CENPP: variants seen among roughly 807,000 people sequenced by gnomAD.
CENPP encodes the protein centromere protein P.
A neutral mutation model predicts 35.6 loss-of-function variants in CENPP; 24 were observed. That is an observed-to-expected ratio of 0.67 (90% CI 0.49 to 0.95). CENPP has a LOEUF of 0.95. Ranked by LOEUF, CENPP falls within the 40% of genes least tolerant of loss-of-function variation. The pLI is 0.00. For missense variants in CENPP, 332 were observed against 345.3 expected (o/e 0.96, Z 0.31); for synonymous variants, 120 against 125.5 (o/e 0.96, Z 0.29).
At chr9:92,386,020 A>G (rs527363635) in intron 5 of CENPP, among the ~76,000 whole-genome samples, 1 of 152,306 alleles carries the variant, frequency 6.6e-6, no homozygotes, top group African/African-American at 2.4e-5. Flanking sequence ...TGGAATCTGG[A>G]CTTCTGGGAA....
At chr9:92,362,542 A>G (rs1841782913) in intron 4 of CENPP, among the ~76,000 whole-genome samples, 2 of 152,184 alleles carry the variant, frequency 1.3e-5, no homozygotes, top group Non-Finnish European at 1.5e-5. Flanking sequence ...TGTCCCTCAT[A>G]GGTGATATTA....
At chr9:92,535,830 C>A in intron 5 of CENPP, 1 of 323,662 alleles carries the variant, frequency 3.1e-6, no homozygotes, top group South Asian at 2.6e-5. Context: ...CTATTAGTAA[C>A]GAGCTAATTT....
intron 5 of CENPP, among the ~76,000 whole-genome samples, chr9:92,425,890 A>C (rs1392677993): frequency 6.6e-6 from 1 of 152,182 alleles, no homozygotes; most frequent in African/African-American, 2.4e-5. Flanking sequence ...CTTTTTCAAA[A>C]AATTGTTTTA....
intron 5 of CENPP, among the ~76,000 whole-genome samples, chr9:92,458,297 A>G (rs2131037737): frequency 6.6e-6 from 1 of 152,302 alleles, no homozygotes; most frequent in African/African-American, 2.4e-5. Flanking sequence ...AAAGCAATCT[A>G]CTTAACTGAC....
intron 5 of CENPP, among the ~76,000 whole-genome samples, chr9:92,386,628 G>A (rs1295798148): frequency 1.3e-5 from 2 of 152,126 alleles, no homozygotes; most frequent in Non-Finnish European, 2.9e-5. Flanking sequence ...CTAATGAGGT[G>A]AGTCCCTATG....
intron 5 of CENPP, among the ~76,000 whole-genome samples, chr9:92,486,032 A>G (rs1846049257): frequency 6.6e-6 from 1 of 152,228 alleles, no homozygotes; most frequent in Non-Finnish European, 1.5e-5. Context: ...TAGCTACAAG[A>G]AAGGCCGTCC....
At chr9:92,364,627 A>G (rs1253888613) in intron 4 of CENPP, among the ~76,000 whole-genome samples, 2 of 152,212 alleles carry the variant, frequency 1.3e-5, no homozygotes, top group African/African-American at 2.4e-5. Context: ...TAAGAAAAAG[A>G]GTGAATTTTA....
intron 5 of CENPP, chr9:92,404,524 G>A (rs761073661): frequency 7.7e-7 from 1 of 1,297,214 alleles, no homozygotes; most frequent in South Asian, 1.3e-5. Flanking sequence ...GTTTTTTGTG[G>A]TTTTCCTCAA....
At chr9:92,389,838 A>G (rs1015089553) in intron 5 of CENPP, 7 of 1,538,154 alleles carry the variant, frequency 4.6e-6, no homozygotes, top group Non-Finnish European at 5.4e-6. Context: ...GCTTAGTTTT[A>G]CTATAAAATA....
At chr9:92,424,644 G>A (rs369966909) in intron 5 of CENPP, among the ~76,000 whole-genome samples, 2 of 152,128 alleles carry the variant, frequency 1.3e-5, no homozygotes, top group East Asian at 3.8e-4. Flanking sequence ...GGGAACTCCA[G>A]AGTCTCAGCA....
chr9:92,523,022 AT>A, intron 5 of CENPP: 3 of 862,284 alleles, frequency 3.5e-6, no homozygotes, highest in Non-Finnish European at 5.1e-6. Flanking sequence ...TATGGACTAT[AT>A]GCTATAGTAT....
At chr9:92,398,067 G>A (rs1051575185) in intron 5 of CENPP, among the ~76,000 whole-genome samples, 1 of 152,106 alleles carries the variant, frequency 6.6e-6, no homozygotes, top group Admixed American at 6.5e-5. Context: ...ACTTAGTTCT[G>A]GCACACATAT....
At chr9:92,608,156 C>G (rs1001498279) in intron 5 of CENPP, among the ~76,000 whole-genome samples, 22 of 152,342 alleles carry the variant, frequency 1.4e-4, no homozygotes, top group Admixed American at 1.4e-3. Context: ...ATCTCGTTCA[C>G]TTTCCTTAAG....
rs79795060 is a variant in CENPP at position 92,344,887 on chromosome 9, G to A, written c.379-812G>A. Reference sequence around the variant, plus strand: ...TTATAGGTAAAAATGGCATCTTATCGGCCAGGCGCGGTGGCTCCCGCCTGT... The same window carrying A: ...TTATAGGTAAAAATGGCATCTTATCAGCCAGGCGCGGTGGCTCCCGCCTGT... On this transcript the variant is annotated intron_variant, in intron 3 of 7. Transcript: ENST00000375587. 4.8e-3 allele frequency among the ~76,000 whole-genome samples: 719 copies of A among 150,498 alleles called. 4 individuals are homozygous for A. Among genetic ancestry groups the A allele is most frequent in the African/African-American group, 0.015 (630 of 41,106 alleles).
In CENPP at chr9:92,416,052, ATG is replaced by A. The variant is rs1292606240; in HGVS notation, c.564+36199_564+36200del. ...TTATATATAAATAAATATATTATAT[ATG>A]TGTGTATATATATATATTTATTTAT... On this transcript the variant is annotated intron_variant, in intron 5 of 7. Transcript: ENST00000375587. Among the ~76,000 whole-genome samples the A allele has an allele frequency of 2.9e-3, 265 of 90,650 alleles. 3 individuals are homozygous for A. The highest frequency in any genetic ancestry group is 7.2e-3 in the African/African-American group (217 of 30,124). The allele number at this position is 90,650 out of a possible 152,430, so 59.5% of individuals were successfully genotyped here. A position where few individuals can be genotyped will look rare whatever the true frequency, so the allele number is the denominator to read the frequency against.
At position 92,474,742 on chromosome 9, in the gene CENPP, CTCATCATCATCA is replaced by C. The variant is rs3078372; in HGVS notation, c.564+94916_564+94927del. On this transcript the variant is annotated intron_variant, in intron 5 of 7. Coordinates refer to ENST00000375587, the MANE Select transcript of CENPP (RefSeq NM_001012267.3). ...CTCTTGTTGGAAAAAGAGAGTTGTCCTCATCATCATCATCATCATCATCATCATCATCATCAT... is the reference window on the plus strand; with the variant it reads ...CTCTTGTTGGAAAAAGAGAGTTGTCCTCATCATCATCATCATCATCATCAT... 3.8e-4 allele frequency: 585 copies of C among 1,534,734 alleles called. 1 individual carries two copies. The highest frequency in any genetic ancestry group is 6.8e-4 in the Middle Eastern group (4 of 5,864).
At chr9:92,607,472 GT>G (rs1851114685) in intron 5 of CENPP, among the ~76,000 whole-genome samples, 1 of 152,164 alleles carries the variant, frequency 6.6e-6, no homozygotes, top group South Asian at 2.1e-4. Context: ...GTGATGAAAT[GT>G]TGTGGAATTA....
At chr9:92,426,106 A>G (rs1232058885) in intron 5 of CENPP, among the ~76,000 whole-genome samples, 1 of 152,134 alleles carries the variant, frequency 6.6e-6, no homozygotes, top group African/African-American at 2.4e-5. Flanking sequence ...GTGTCTATCT[A>G]GGAGGTTTAA....
At chr9:92,501,202 A>T (rs1846651462) in intron 5 of CENPP, 1 of 787,854 alleles carries the variant, frequency 1.3e-6, no homozygotes, top group African/African-American at 1.7e-5. Flanking sequence ...TTTTCCAGGT[A>T]TAGCCAGCCC....
Sources: allele counts gnomAD v4.1 joint callset (sites outside exome capture counted in the v4.1 genomes callset), GRCh38; gene constraint gnomAD v4.1.1; transcripts MANE v1.5; gene names NCBI Gene and HGNC (gene_info 2026-07-23, HGNC 2026-07-21).